The following NAALAD2 variants were observed in gnomAD, a reference collection of about 807,000 sequenced individuals.
NAALAD2 encodes N-acetylated alpha-linked acidic dipeptidase 2.
A neutral mutation model predicts 95.6 loss-of-function variants in NAALAD2; 89 were observed. The ratio of observed to expected loss-of-function variants is 0.93; its 90% confidence interval spans 0.78 to 1.11. NAALAD2 has a LOEUF of 1.11. NAALAD2 is among the 50% of genes least tolerant of loss of function. The probability of loss-of-function intolerance (pLI) is 0.00; values close to 1 mark genes in which losing one functional copy is unlikely to be tolerated. For synonymous variants in NAALAD2, 264 were observed against 294.4 expected, an observed-to-expected ratio of 0.90 and a Z score of 1.06; for missense variants, 894 against 872.4, an observed-to-expected ratio of 1.02 and a Z score of -0.31.
In NAALAD2 at chr11:90,185,229, AT is replaced by A. The variant is rs1277588876; in HGVS notation, c.2033+2226del. Among the ~76,000 whole-genome samples the A allele has an allele frequency of 4.0e-5, 6 of 151,882 alleles. No individual in the cohort carries two copies. In the East Asian group the frequency reaches 1.2e-3, roughly 29 times the overall value. ...AGTGTACACACACAATATATAAACAATTTTTATTTACATAAACATCTATATT... is the reference window on the plus strand; with the variant it reads ...AGTGTACACACACAATATATAAACAATTTTATTTACATAAACATCTATATT... On this transcript the variant is annotated intron_variant, in intron 18 of 18. Transcript: ENST00000534061.
In NAALAD2 at chr11:90,134,818, T is replaced by C; in HGVS notation, c.60T>C (p.Ser20=). 1 of 1,614,170 alleles carries C rather than the reference T, an allele frequency of 6.2e-7. No individual in the cohort carries two copies. Among genetic ancestry groups the C allele is most frequent in the Middle Eastern group, 1.7e-4 (1 of 6,056 alleles). ...LWMCLAAALA[S]FLMGFMVGWF... ...TGTGCTTGGCTGCTGCGCTGGCATC[T>C]TTCCTGATGGGATTTATGGTGGGTA... Residue 20 remains serine, a synonymous_variant, in exon 1 of 19, where the codon TCT becomes TCC. Coordinates refer to ENST00000534061, the MANE Select transcript of NAALAD2 (RefSeq NM_005467.4).
chr11:90,137,682 C>A (rs1951486684), intron 2 of NAALAD2, among the ~76,000 whole-genome samples: 1 of 152,212 alleles, frequency 6.6e-6, no homozygotes, highest in Non-Finnish European at 1.5e-5. Flanking sequence ...CAGCTCACTG[C>A]AACCTCCATG....
chr11:90,151,776 G>C (rs531314909), intron 5 of NAALAD2, among the ~76,000 whole-genome samples: 1 of 152,200 alleles, frequency 6.6e-6, no homozygotes, highest in Admixed American at 6.5e-5. Context: ...TTAGAAAGAT[G>C]TTTACAAAAA....
Position 90,158,213 on chromosome 11 carries a change from T to A in NAALAD2, c.865T>A (p.Tyr289Asn). ...CCGAATACCTGTACATCCCATTGGA[T>A]ATAATGATGCAGAAATATTATTACG... is the stretch of plus-strand genomic sequence containing the variant. ...IPRIPVHPIG[Y>N]NDAEILLRYL... The change falls in exon 7 of 19, where the codon TAT becomes AAT. Residue 289 changes from tyrosine to asparagine, a missense_variant. Coordinates refer to ENST00000534061, the MANE Select transcript of NAALAD2 (RefSeq NM_005467.4). The A allele has an allele frequency of 6.2e-7, 1 of 1,609,528 alleles. No homozygotes were observed. The highest frequency in any genetic ancestry group is 8.5e-7 in the Non-Finnish European group (1 of 1,176,516).
At chr11:90,168,204 C>T (rs929066548) in intron 11 of NAALAD2, among the ~76,000 whole-genome samples, 4 of 152,170 alleles carry the variant, frequency 2.6e-5, no homozygotes, top group African/African-American at 7.2e-5. Flanking sequence ...ACTTCTGAGC[C>T]AGCGAGACCA....
At chr11:90,176,470 T>A (rs1247135368) in intron 15 of NAALAD2, among the ~76,000 whole-genome samples, 1 of 152,134 alleles carries the variant, frequency 6.6e-6, no homozygotes, top group Non-Finnish European at 1.5e-5. Flanking sequence ...TTCATTATTG[T>A]CGGTAGCTCC....
At chr11:90,174,206 T>G (rs560338590) in intron 14 of NAALAD2, among the ~76,000 whole-genome samples, 15 of 152,038 alleles carry the variant, frequency 9.9e-5, no homozygotes. Flanking sequence ...TAGCGGGCAC[T>G]TGTAATCCCA....
intron 16 of NAALAD2, among the ~76,000 whole-genome samples, chr11:90,178,984 T>C (rs1952888087): frequency 6.6e-6 from 1 of 152,204 alleles, no homozygotes. Flanking sequence ...GTGGTTTGCC[T>C]GGTTCAGATA....
chr11:90,139,902 G>A (rs11821640), intron 2 of NAALAD2, among the ~76,000 whole-genome samples: 9,318 of 142,474 alleles, frequency 0.065, 966 homozygotes, highest in African/African-American at 0.23. Context: ...GATTTATTTT[G>A]AAAATGGAGG....
At chr11:90,134,979 A>C in intron 1 of NAALAD2, 139 bp downstream of exon 1, 1 of 813,610 alleles carries the variant, frequency 1.2e-6, no homozygotes, top group Non-Finnish European at 2.0e-6. Flanking sequence ...AACTCTGCAC[A>C]TTTCAGCAAA....
At chr11:90,177,338 T>A (rs1037301700) in intron 15 of NAALAD2, among the ~76,000 whole-genome samples, 1 of 151,464 alleles carries the variant, frequency 6.6e-6, no homozygotes, top group Non-Finnish European at 1.5e-5. Flanking sequence ...ACCAATCAAT[T>A]GATAGATAAC....
chr11:90,144,301 T>A (rs949269346), intron 2 of NAALAD2, among the ~76,000 whole-genome samples: 1 of 152,148 alleles, frequency 6.6e-6, no homozygotes, highest in Non-Finnish European at 1.5e-5. Context: ...AGCTGTTAGT[T>A]TTTAAAGAAG....
chr11:90,138,256 A>T (rs1024446515), intron 2 of NAALAD2, among the ~76,000 whole-genome samples: 2 of 151,150 alleles, frequency 1.3e-5, no homozygotes, highest in Non-Finnish European at 3.0e-5. Flanking sequence ...GTCTTCATCC[A>T]GTCTTCACAT....
chr11:90,181,988 A>T (rs1325867504), intron 17 of NAALAD2, among the ~76,000 whole-genome samples: 1 of 151,290 alleles, frequency 6.6e-6, no homozygotes, highest in Non-Finnish European at 1.5e-5. Flanking sequence ...TCTGAATGGT[A>T]GACTAAAAAC....
intron 18 of NAALAD2, among the ~76,000 whole-genome samples, chr11:90,185,337 T>C (rs576771283): frequency 6.6e-6 from 1 of 152,130 alleles, no homozygotes; most frequent in African/African-American, 2.4e-5. Flanking sequence ...ACATAAATAA[T>C]GTATGGGACC....
rs534055769 is a variant in NAALAD2 at position 90,157,304 on chromosome 11, G to A, written c.797-841G>A. Among the ~76,000 whole-genome samples the A allele has an allele frequency of 3.9e-5, 6 of 152,236 alleles. No homozygotes were observed. In the South Asian group the frequency reaches 8.3e-4, roughly 21 times the overall value. The stretch of plus-strand genomic sequence containing the variant: ...AAATAAGGTGAATAAAAAATAAGGT[G>A]TTTCAGGCATGAAGGTAAATTTGGT... On this transcript the variant is annotated intron_variant, in intron 6 of 18. Coordinates refer to ENST00000534061, the MANE Select transcript of NAALAD2 (RefSeq NM_005467.4).
intron 11 of NAALAD2, 200 bp downstream of exon 11, chr11:90,163,817 G>C: frequency 1.9e-6 from 1 of 528,874 alleles, no homozygotes; most frequent in Non-Finnish European, 3.3e-6. Context: ...ACTGCAGACA[G>C]AGTTATTGCC....
At chr11:90,132,341 GC>G (rs1450030610), upstream of NAALAD2, 1 of 152,218 alleles carries the variant, frequency 6.6e-6, no homozygotes, top group Non-Finnish European at 1.5e-5. Flanking sequence ...CACAAAATGA[GC>G]AAGAAAAAAT....
intron 13 of NAALAD2, among the ~76,000 whole-genome samples, chr11:90,171,733 C>G (rs201823609): frequency 6.6e-6 from 1 of 152,024 alleles, no homozygotes; most frequent in Non-Finnish European, 1.5e-5. Flanking sequence ...CACAAATAGT[C>G]AAGCCATATT....
Sources: allele counts gnomAD v4.1 joint callset (sites outside exome capture counted in the v4.1 genomes callset), GRCh38; gene constraint gnomAD v4.1.1; transcripts MANE v1.5; gene names NCBI Gene and HGNC (gene_info 2026-07-23, HGNC 2026-07-21).